GLRA3: variants seen among roughly 807,000 people sequenced by gnomAD.
The protein encoded by GLRA3 is glycine receptor subunit alpha-3.
Under a neutral mutation model 60.4 loss-of-function variants are expected in GLRA3, and 44 were observed. That is an observed-to-expected ratio of 0.73 (90% CI 0.57 to 0.94). The LOEUF is 0.94. Ranked by LOEUF, GLRA3 falls within the 40% of genes least tolerant of loss-of-function variation. The pLI is 0.00. For synonymous variants in GLRA3, 223 were observed against 192.9 expected (o/e 1.16, Z -1.29); for missense variants, 508 against 564.6 (o/e 0.90, Z 1.02).
At chr4:174,666,519 A>T (rs1733667999) in intron 7 of GLRA3, among the ~76,000 whole-genome samples, 1 of 152,002 alleles carries the variant, frequency 6.6e-6, no homozygotes, top group African/African-American at 2.4e-5. Context: ...CCAGGAAGAG[A>T]TCAGCTTGAT....
Position 174,758,425 on chromosome 4 carries a change from TATCTATGAACCCA to T in GLRA3, c.267+8525_267+8537del, listed in dbSNP as rs563154257. Among the ~76,000 whole-genome samples, 9 of 152,188 alleles carry T rather than the reference TATCTATGAACCCA, an allele frequency of 5.9e-5. No homozygotes were observed. In the South Asian group the frequency reaches 1.7e-3, roughly 28 times the overall value. On this transcript the variant is annotated intron_variant, in intron 3 of 9. Transcript: ENST00000274093. ...TAATCTAATCTATTCATAAGAAAAA[TATCTATGAACCCA>T]ATTGAGAGACATTCTACAAAATACC... is the stretch of plus-strand genomic sequence containing the variant.
chr4:174,713,249 GAAAGA>G (rs1735789755), intron 5 of GLRA3, among the ~76,000 whole-genome samples: 1 of 152,014 alleles, frequency 6.6e-6, no homozygotes, highest in African/African-American at 2.4e-5. Flanking sequence ...AAACAAAGGG[GAAAGA>G]AAAGAGGCTC....
In GLRA3 at chr4:174,677,092, C is replaced by T; in HGVS notation, c.913G>A (p.Ala305Thr). 2 of 1,608,200 alleles carry T rather than the reference C, an allele frequency of 1.2e-6. No homozygotes were observed. The highest frequency in any genetic ancestry group is 1.7e-6 in the Non-Finnish European group (2 of 1,174,712). ...AGTGCACTTACTTTTGGCAAGGAAG[C>T]TCGTGATCCTGAACTCTGTGTAGTC... ...TMTTQSSGSR[A>T]SLPKVSYVKA... The change falls in exon 7 of 10, where the codon GCT (alanine) becomes ACT (threonine). Residue 305 changes from alanine to threonine, a missense_variant. By Grantham distance (58) the Ala-to-Thr change is moderately conservative. Transcript: ENST00000274093.
chr4:174,658,228 T>C (rs1361903302), intron 8 of GLRA3, among the ~76,000 whole-genome samples: 1 of 152,144 alleles, frequency 6.6e-6, no homozygotes, highest in Non-Finnish European at 1.5e-5. Flanking sequence ...TTATTGTCCA[T>C]TGCTTTAAAA....
chr4:174,670,236 T>A (rs994389585), intron 7 of GLRA3, among the ~76,000 whole-genome samples: 11 of 152,170 alleles, frequency 7.2e-5, no homozygotes, highest in African/African-American at 2.7e-4. Context: ...GACCTCTCTT[T>A]TCTTCATTTT....
At chr4:174,722,587 C>T (rs950732261) in intron 4 of GLRA3, 1 of 152,632 alleles carries the variant, frequency 6.6e-6, no homozygotes, top group African/African-American at 2.4e-5. Context: ...GCTGTTTTTT[C>T]CCCATTACTT....
chr4:174,814,872 T>C (rs1412131905), intron 1 of GLRA3, among the ~76,000 whole-genome samples: 2 of 152,122 alleles, frequency 1.3e-5, no homozygotes. Context: ...CCCAACCTCA[T>C]CCAAATCTCA....
chr4:174,697,906 T>G (rs935784952), intron 5 of GLRA3, among the ~76,000 whole-genome samples: 5 of 152,092 alleles, frequency 3.3e-5, no homozygotes, highest in Admixed American at 3.3e-4. Flanking sequence ...GGCATCGTGG[T>G]TGGTTGGATT....
chr4:174,766,234 A>G (rs1738138615), intron 3 of GLRA3, among the ~76,000 whole-genome samples: 1 of 152,020 alleles, frequency 6.6e-6, no homozygotes, highest in African/African-American at 2.4e-5. Flanking sequence ...TTACAAAGAC[A>G]ATTCTAGCTA....
chr4:174,670,950 A>T (rs1733881207), intron 7 of GLRA3, among the ~76,000 whole-genome samples: 1 of 152,068 alleles, frequency 6.6e-6, no homozygotes. Context: ...TATACATTAT[A>T]TCTTGTGATA....
rs372935265 is a variant in GLRA3, at chr4:174,659,031, AC to A, written c.1071+22del. 6.8e-4 allele frequency: 1,085 copies of A among 1,601,566 alleles called. 24 individuals carry two copies. The South Asian group carries it at 0.011, about 17-fold the overall frequency. On this transcript the variant is annotated intron_variant, in intron 8 of 9. Transcript: ENST00000274093. ...TCGAGTGAAAACTGGATTCTGCCAAACCCAATACGTTTAATCACTTACCTTA... is the reference window on the plus strand; with the variant it reads ...TCGAGTGAAAACTGGATTCTGCCAAACCAATACGTTTAATCACTTACCTTA...
chr4:174,756,790 A>G (rs972834964), intron 3 of GLRA3, among the ~76,000 whole-genome samples: 1 of 151,748 alleles, frequency 6.6e-6, no homozygotes, highest in Non-Finnish European at 1.5e-5. Context: ...AACTACAGGC[A>G]CCCGTCACCT....
At chr4:174,692,464 C>T (rs1734884217) in intron 5 of GLRA3, among the ~76,000 whole-genome samples, 1 of 151,128 alleles carries the variant, frequency 6.6e-6, no homozygotes. Flanking sequence ...TGAGAACGGG[C>T]CATGATGACA....
chr4:174,677,972 T>A (rs887828795), intron 6 of GLRA3, among the ~76,000 whole-genome samples: 5 of 152,210 alleles, frequency 3.3e-5, no homozygotes, highest in African/African-American at 1.2e-4. Context: ...GTGTTTTGAG[T>A]GCTTCTTTAG....
chr4:174,801,175 A>G (rs1579630807), intron 1 of GLRA3, among the ~76,000 whole-genome samples: 1 of 151,936 alleles, frequency 6.6e-6, no homozygotes, highest in Non-Finnish European at 1.5e-5. Flanking sequence ...ATCTGTATTT[A>G]CTCTTGAATC....
intron 7 of GLRA3, among the ~76,000 whole-genome samples, chr4:174,667,579 C>T (rs1733729318): frequency 6.6e-6 from 1 of 151,832 alleles, no homozygotes; most frequent in South Asian, 2.1e-4. Context: ...TAAGGAGGTA[C>T]AAAAAAGTAG....
intron 4 of GLRA3, among the ~76,000 whole-genome samples, chr4:174,721,007 TTGTGTGTGTGTG>T (rs10639932): frequency 3.5e-5 from 5 of 141,556 alleles, no homozygotes; most frequent in South Asian, 4.8e-4. Flanking sequence ...TGTGTGAACT[TTGTGTGTGTGTG>T]TGTGTGTGTG....
intron 1 of GLRA3, among the ~76,000 whole-genome samples, chr4:174,826,177 C>T (rs1740959224): frequency 6.6e-6 from 1 of 152,072 alleles, no homozygotes; most frequent in African/African-American, 2.4e-5. Context: ...AAGAAATACC[C>T]AAATACCCAT....
rs567790477 is a variant in GLRA3 at position 174,701,500 on chromosome 4, T to C, written c.574+13988A>G. Among the ~76,000 whole-genome samples, 9 of 152,314 alleles carry C rather than the reference T, an allele frequency of 5.9e-5. 1 individual carries two copies. The highest frequency in any genetic ancestry group is 2.2e-4 in the African/African-American group (9 of 41,568). On this transcript the variant is annotated intron_variant, in intron 5 of 9. Transcript: ENST00000274093. ...AACATAGCATCCATTCTGTGGCCCCTAGATCAAGGAGTAATTTTGACTTTT... is the reference window on the plus strand; with the variant it reads ...AACATAGCATCCATTCTGTGGCCCCCAGATCAAGGAGTAATTTTGACTTTT...
Sources: gnomAD v4.1 joint callset for allele counts (sites outside exome capture counted in the v4.1 genomes callset) on GRCh38, gnomAD v4.1.1 for gene constraint, MANE v1.5 for transcripts, NCBI Gene and HGNC (gene_info 2026-07-23, HGNC 2026-07-21) for gene names.